Variants in CEMIP observed in about 807,000 individuals in gnomAD.
The protein encoded by CEMIP is cell migration inducing hyaluronidase 1.
In CEMIP, 105 loss-of-function variants were observed where a neutral mutation model predicts 156.9. The ratio of observed to expected loss-of-function variants is 0.67; its 90% CI spans 0.57 to 0.79. The LOEUF (loss-of-function observed/expected upper bound fraction) is 0.79, where lower values mean the gene tolerates loss of function less well. Ranked by LOEUF, CEMIP falls within the 30% of genes least tolerant of loss-of-function variation. The pLI is 0.00. For missense variants in CEMIP, 1,457 were observed against 1,769.4 expected (o/e 0.82, Z 3.17); for synonymous variants, 676 against 668.4 (o/e 1.01, Z -0.17).
chr15:80,922,166 G>C (rs769435441), intron 17 of CEMIP, 29 bp downstream of exon 17: 1 of 1,613,384 alleles, frequency 6.2e-7, no homozygotes, highest in African/African-American at 1.3e-5. Flanking sequence ...CGCCTCTCTG[G>C]CCAGCCTCTC....
Position 80,925,641 on chromosome 15 carries a change from A to C in CEMIP, c.2306A>C (p.Asp769Ala). Residue 769 changes from aspartate to alanine, a missense_variant, in exon 19 of 30, where the codon GAC (aspartate) becomes GCC (alanine). By Grantham distance (126) the Asp-to-Ala change is moderately radical. Coordinates refer to ENST00000394685, the MANE Select transcript of CEMIP (RefSeq NM_001293298.2). Reference protein sequence around the residue: ...IISARYSPHQDADPLKPREPA... With the variant: ...IISARYSPHQAADPLKPREPA... ...TGCTGCAGATACAGCCCTCACCAGG[A>C]CGCCGACCCGCTGAAGCCCCGGGAG... 1 of 1,613,078 alleles carries C rather than the reference A, an allele frequency of 6.2e-7. No individual in the cohort carries two copies. Among genetic ancestry groups the C allele is most frequent in the Non-Finnish European group, 8.5e-7 (1 of 1,179,926 alleles).
chr15:80,867,818 A>G (rs1898170576), intron 1 of CEMIP, among the ~76,000 whole-genome samples: 1 of 152,126 alleles, frequency 6.6e-6, no homozygotes, highest in African/African-American at 2.4e-5. Context: ...TTTTTCTGTC[A>G]GGAGAGAGCT....
chr15:80,815,207 A>G (rs1481760160), intron 1 of CEMIP, among the ~76,000 whole-genome samples: 3 of 152,258 alleles, frequency 2.0e-5, no homozygotes, highest in African/African-American at 7.2e-5. Flanking sequence ...GTCACTCACT[A>G]ACTTTCAGAC....
intron 13 of CEMIP, among the ~76,000 whole-genome samples, chr15:80,908,283 G>A (rs1275528513): frequency 1.3e-5 from 2 of 152,186 alleles, no homozygotes; most frequent in East Asian, 1.9e-4. Flanking sequence ...TTCCCACTGA[G>A]CTCAAACTAG....
chr15:80,944,403 T>C (rs1434892841), intron 28 of CEMIP, among the ~76,000 whole-genome samples: 1 of 152,214 alleles, frequency 6.6e-6, no homozygotes, highest in Non-Finnish European at 1.5e-5. Flanking sequence ...CTAACTTCCC[T>C]TTGCATTTCT....
intron 1 of CEMIP, among the ~76,000 whole-genome samples, chr15:80,846,386 G>A (rs529151694): frequency 1.3e-5 from 2 of 152,306 alleles, no homozygotes; most frequent in Admixed American, 1.3e-4. Flanking sequence ...TCCTCCCCCA[G>A]GAAAACCTTT....
chr15:80,880,829 G>C (rs1244226657), intron 5 of CEMIP, 71 bp from the exon 6 acceptor site: 1 of 1,292,550 alleles, frequency 7.7e-7, no homozygotes, highest in African/African-American at 1.5e-5. Flanking sequence ...GTGACTCCTA[G>C]GTTCCCTCTG....
chr15:80,872,728 T>C lies in CEMIP; in HGVS notation c.-175-810T>C, dbSNP rs145113192. Among the ~76,000 whole-genome samples the C allele has an allele frequency of 5.9e-3, 903 of 152,208 alleles. 17 individuals carry two copies. Among genetic ancestry groups the C allele is most frequent in the African/African-American group, 0.017 (698 of 41,518 alleles). On this transcript the variant is annotated intron_variant, in intron 1 of 29. Transcript: ENST00000394685. The stretch of plus-strand genomic sequence containing the variant: ...TACTGGGGAGGCTGAGGCAGGAGAA[T>C]TGCTGGAACCCAGGAGGTAGAGGTT...
intron 1 of CEMIP, among the ~76,000 whole-genome samples, chr15:80,781,600 CT>C (rs958244208): frequency 6.6e-6 from 1 of 152,062 alleles, no homozygotes; most frequent in African/African-American, 2.4e-5. Context: ...CGCAGGTCTG[CT>C]TTTTTTGTGT....
chr15:80,847,257 C>T (rs28547464), intron 1 of CEMIP, among the ~76,000 whole-genome samples: 2,595 of 152,252 alleles, frequency 0.017, 83 homozygotes, highest in African/African-American at 0.06. Flanking sequence ...CCATGTTGGC[C>T]AGGCTGGTTT....
chr15:80,785,183 G>A (rs953960384), intron 1 of CEMIP, among the ~76,000 whole-genome samples: 2 of 152,182 alleles, frequency 1.3e-5, no homozygotes, highest in Non-Finnish European at 2.9e-5. Context: ...ATGTAATTTT[G>A]GTGGTATTAA....
chr15:80,934,448 C>T (rs933354401), intron 23 of CEMIP, among the ~76,000 whole-genome samples: 3 of 152,172 alleles, frequency 2.0e-5, no homozygotes, highest in Non-Finnish European at 4.4e-5. Flanking sequence ...ATTATTGTTA[C>T]TTCTAGTATT....
chr15:80,934,490 G>A (rs190020683), intron 23 of CEMIP, among the ~76,000 whole-genome samples: 4 of 152,274 alleles, frequency 2.6e-5, no homozygotes, highest in Admixed American at 2.0e-4. Context: ...AATGAGTAAC[G>A]GGAGAGAGGC....
intron 14 of CEMIP, among the ~76,000 whole-genome samples, chr15:80,914,764 TAGAC>T (rs1339797838): frequency 6.6e-6 from 1 of 152,226 alleles, no homozygotes; most frequent in African/African-American, 2.4e-5. Context: ...TCCTGCTACT[TAGAC>T]AGAGCTGATT....
At position 80,901,364 on chromosome 15, in the gene CEMIP, C is replaced by T. The variant is rs74249387; in HGVS notation, c.1412-5299C>T. ...AATTTCCAATATGGTGGCCACGAGC[C>T]ACATGTGGCTACTTAAGTCTAAATT... On this transcript the variant is annotated intron_variant, in intron 12 of 29. Transcript: ENST00000394685. Among the ~76,000 whole-genome samples, 87 of 152,160 alleles carry T rather than the reference C, an allele frequency of 5.7e-4. 1 individual carries two copies. The East Asian group carries it at 0.016, about 28-fold the overall frequency.
chr15:80,936,643 C>T, intron 23 of CEMIP, 31 bp from the exon 24 acceptor site: 1 of 1,564,754 alleles, frequency 6.4e-7, no homozygotes, highest in Non-Finnish European at 8.8e-7. Context: ...GTAATAGCCT[C>T]ATTGTGTGTT....
At chr15:80,908,288 A>G (rs1180074430) in intron 13 of CEMIP, among the ~76,000 whole-genome samples, 1 of 152,178 alleles carries the variant, frequency 6.6e-6, no homozygotes, top group Non-Finnish European at 1.5e-5. Context: ...ACTGAGCTCA[A>G]ACTAGCCCTC....
chr15:80,839,166 G>A (rs116162303), intron 1 of CEMIP, among the ~76,000 whole-genome samples: 3,629 of 152,188 alleles, frequency 0.024, 135 homozygotes, highest in African/African-American at 0.078. Flanking sequence ...AGTAAGAGGC[G>A]CCCCTGCCCA....
At position 80,922,113 on chromosome 15, in the gene CEMIP, C is replaced by G; in HGVS notation, c.2178C>G (p.Asn726Lys). The change falls in exon 17 of 30, where the codon AAC becomes AAG. Residue 726 changes from asparagine (N) to lysine (K), a missense_variant. Transcript: ENST00000394685. The stretch of plus-strand genomic sequence containing the variant: ...ACATTCCACTGGGAAAATTCTATAA[C>G]AACCGAGCACATTCCAACTACCGGG... ...SEHIPLGKFY[N>K]NRAHSNYRAG... The G allele has an allele frequency of 6.2e-7, 1 of 1,614,252 alleles. No individual in the cohort carries two copies. The highest frequency in any genetic ancestry group is 8.5e-7 in the Non-Finnish European group (1 of 1,180,024).
Sources: gnomAD v4.1 joint callset for allele counts (sites outside exome capture counted in the v4.1 genomes callset) on GRCh38, gnomAD v4.1.1 for gene constraint, MANE v1.5 for transcripts, NCBI Gene and HGNC (gene_info 2026-07-23, HGNC 2026-07-21) for gene names.